PAM: variants seen among roughly 807,000 people sequenced by gnomAD.
The protein encoded by PAM is peptidyl-glycine alpha-amidating monooxygenase.
In PAM, 72 loss-of-function variants were observed where a neutral mutation model predicts 122.1. That is an observed-to-expected ratio of 0.59 (90% CI 0.49 to 0.72). PAM has a LOEUF of 0.72. Among genes scored for constraint, PAM ranks in the 30% least tolerant of loss-of-function variants. PAM has a pLI of 0.00. For missense variants in PAM, 1,106 were observed against 1,183.7 expected, an observed-to-expected ratio of 0.93 and a Z score of 0.96; for synonymous variants, 389 against 404.4, an observed-to-expected ratio of 0.96 and a Z score of 0.46.
intron 7 of PAM, among the ~76,000 whole-genome samples, chr5:102,940,112 A>T (rs1175425895): frequency 1.4e-5 from 2 of 138,358 alleles, no homozygotes; most frequent in Non-Finnish European, 3.0e-5. Flanking sequence ...ATATATGTAT[A>T]CATACACACA....
At chr5:102,894,468 T>C (rs2151310169) in intron 3 of PAM, among the ~76,000 whole-genome samples, 1 of 151,834 alleles carries the variant, frequency 6.6e-6, no homozygotes, top group African/African-American at 2.4e-5. Flanking sequence ...CGCTGTTACT[T>C]GGCCAGCCAG....
chr5:102,919,639 C>A (rs544506132), intron 5 of PAM, among the ~76,000 whole-genome samples: 21 of 152,230 alleles, frequency 1.4e-4, no homozygotes, highest in South Asian at 4.1e-4. Context: ...TCATTGAGTG[C>A]AGTAGCAATG....
At chr5:102,939,826 AT>A in intron 7 of PAM, among the ~76,000 whole-genome samples, 1 of 152,210 alleles carries the variant, frequency 6.6e-6, no homozygotes, top group East Asian at 1.9e-4. Flanking sequence ...CCAAAACACA[AT>A]ACAGAATAGT....
intron 1 of PAM, among the ~76,000 whole-genome samples, chr5:102,854,360 G>A (rs915086209): frequency 6.6e-6 from 1 of 152,026 alleles, no homozygotes; most frequent in Admixed American, 6.6e-5. Flanking sequence ...ATACTATACT[G>A]CCTGCGGGCC....
At chr5:102,979,268 C>G (rs1390796275) in intron 15 of PAM, among the ~76,000 whole-genome samples, 1 of 152,100 alleles carries the variant, frequency 6.6e-6, no homozygotes, top group Non-Finnish European at 1.5e-5. Flanking sequence ...AAGAATACTG[C>G]TAATGCTTTT....
At chr5:102,838,660 A>G (rs1230559340) in intron 1 of PAM, 1 of 152,146 alleles carries the variant, frequency 6.6e-6, no homozygotes, top group African/African-American at 2.4e-5. Flanking sequence ...CAGAGGGAAT[A>G]GTTGTTTCAT....
intron 11 of PAM, among the ~76,000 whole-genome samples, chr5:102,950,412 G>GGGGTGTGTGTGTGT (rs1554134142): frequency 2.1e-5 from 2 of 94,588 alleles, no homozygotes; most frequent in Admixed American, 9.4e-5. Context: ...TGTGTATGTG[G>GGGGTGTGTGTGTGT]GTGGGTGTGT....
intron 12 of PAM, among the ~76,000 whole-genome samples, chr5:102,958,446 T>C (rs917984864): frequency 4.6e-5 from 7 of 152,286 alleles, no homozygotes; most frequent in African/African-American, 1.7e-4. Context: ...GTTTATTATT[T>C]TTGCAACAGC....
chr5:102,970,114 A>G (rs1765362314), intron 14 of PAM, among the ~76,000 whole-genome samples: 1 of 152,156 alleles, frequency 6.6e-6, no homozygotes, highest in African/African-American at 2.4e-5. Flanking sequence ...TACCTCTTGG[A>G]GAAGTCATAC....
chr5:102,982,716 A>G (rs1211128890), intron 15 of PAM, among the ~76,000 whole-genome samples: 1 of 152,248 alleles, frequency 6.6e-6, no homozygotes, highest in Non-Finnish European at 1.5e-5. Context: ...TCATCTATAA[A>G]GAAAAACATT....
chr5:102,798,387 T>C (rs2150064806), intron 1 of PAM, among the ~76,000 whole-genome samples: 1 of 152,290 alleles, frequency 6.6e-6, no homozygotes, highest in Admixed American at 6.5e-5. Context: ...TGAAGCTGAG[T>C]TCTAATTTTA....
chr5:102,971,112 G>T (rs1765698950), intron 14 of PAM, among the ~76,000 whole-genome samples: 1 of 151,970 alleles, frequency 6.6e-6, no homozygotes, highest in Middle Eastern at 3.4e-3. Context: ...GTCCTAAAAG[G>T]GCTTTTTGTT....
At chr5:103,014,112 A>G (rs1329218339) in intron 21 of PAM, among the ~76,000 whole-genome samples, 1 of 152,190 alleles carries the variant, frequency 6.6e-6, no homozygotes, top group East Asian at 1.9e-4. Context: ...GAGATGCTTA[A>G]CTTTCAGTTC....
At chr5:102,899,391 A>G (rs540158394) in intron 3 of PAM, among the ~76,000 whole-genome samples, 53 of 151,612 alleles carry the variant, frequency 3.5e-4, no homozygotes, top group Non-Finnish European at 6.2e-4. Context: ...ATATCTATGT[A>G]TGCCTATAAC....
chr5:102,760,419 G>T (rs1177439009), intron 1 of PAM, among the ~76,000 whole-genome samples: 1 of 152,164 alleles, frequency 6.6e-6, no homozygotes, highest in Non-Finnish European at 1.5e-5. Flanking sequence ...GATTTCGTTA[G>T]CCTGCAAGTA....
intron 15 of PAM, chr5:102,989,860 C>T (rs1430023123): frequency 1.4e-5 from 2 of 144,868 alleles, no homozygotes; most frequent in Non-Finnish European, 1.5e-5. Flanking sequence ...CAGAGGAACA[C>T]AGAGTGCCAG....
At chr5:102,868,039 C>T (rs1377981344) in intron 3 of PAM, among the ~76,000 whole-genome samples, 2 of 152,166 alleles carry the variant, frequency 1.3e-5, no homozygotes, top group African/African-American at 2.4e-5. Context: ...ACGCAAGAAG[C>T]TCAAACCCAC....
intron 1 of PAM, among the ~76,000 whole-genome samples, chr5:102,776,416 T>C (rs1349301203): frequency 1.3e-5 from 2 of 152,144 alleles, no homozygotes; most frequent in African/African-American, 2.4e-5. Context: ...TTCCCATGCC[T>C]ATGTTCTAAA....
chr5:102,986,071 G>A (rs1301342568), intron 15 of PAM, among the ~76,000 whole-genome samples: 2 of 152,160 alleles, frequency 1.3e-5, no homozygotes, highest in African/African-American at 4.8e-5. Flanking sequence ...ATTAGGCCTA[G>A]AAGGAATATA....
Sources: gnomAD v4.1 joint callset for allele counts (sites outside exome capture counted in the v4.1 genomes callset) on GRCh38, gnomAD v4.1.1 for gene constraint, MANE v1.5 for transcripts, NCBI Gene and HGNC (gene_info 2026-07-23, HGNC 2026-07-21) for gene names.